Variants in TNPO1 observed in about 807,000 individuals in gnomAD.
The protein encoded by TNPO1 is transportin-1.
A neutral mutation model predicts 119.5 loss-of-function variants in TNPO1; 8 were observed. The observed-to-expected ratio is 0.07, with a 90% CI of 0.04 to 0.12. The LOEUF (loss-of-function observed/expected upper bound fraction) is 0.12, where lower values mean the gene tolerates loss of function less well. TNPO1 is among the 10% of genes least tolerant of loss of function. TNPO1 has a pLI of 1.00. For synonymous variants in TNPO1, 362 were observed against 363.0 expected, an observed-to-expected ratio of 1.00 and a Z score of 0.03; for missense variants, 576 against 1,089.8, an observed-to-expected ratio of 0.53 and a Z score of 6.64.
At chr5:72,854,180 A>T (rs1373344438) in intron 3 of TNPO1, among the ~76,000 whole-genome samples, 11 of 152,186 alleles carry the variant, frequency 7.2e-5, no homozygotes, top group Admixed American at 2.0e-4. Flanking sequence ...CATTTATTTC[A>T]TGGCAGTTTT....
chr5:72,838,312 G>A (rs959246484), intron 1 of TNPO1, among the ~76,000 whole-genome samples: 4 of 152,052 alleles, frequency 2.6e-5, no homozygotes, highest in Non-Finnish European at 5.9e-5. Flanking sequence ...CAATCGAACG[G>A]CAATAAAACA....
intron 20 of TNPO1, among the ~76,000 whole-genome samples, chr5:72,899,776 C>T (rs1003115588): frequency 6.6e-6 from 1 of 151,726 alleles, no homozygotes; most frequent in African/African-American, 2.4e-5. Context: ...TTTTTAATTC[C>T]TTTTGTTTTT....
Position 72,900,962 on chromosome 5 carries a change from G to C in TNPO1, c.2415-12G>C. 6.3e-7 allele frequency: 1 copy of C among 1,589,360 alleles called. No homozygotes were observed. The highest frequency in any genetic ancestry group is 8.6e-7 in the Non-Finnish European group (1 of 1,165,298). On this transcript the variant is annotated splice_polypyrimidine_tract_variant and intron_variant, in intron 21 of 24. Coordinates refer to ENST00000337273, the MANE Select transcript of TNPO1 (RefSeq NM_002270.4). Reference sequence around the variant, plus strand: ...TTACTTAAATGCTAAACTCAATTCTGTAATTCAATAGGTGCACCTCTCTGA... The same window carrying C: ...TTACTTAAATGCTAAACTCAATTCTCTAATTCAATAGGTGCACCTCTCTGA...
chr5:72,847,045 GT>G (rs565341012), intron 1 of TNPO1, among the ~76,000 whole-genome samples: 1 of 151,262 alleles, frequency 6.6e-6, no homozygotes, highest in Non-Finnish European at 1.5e-5. Flanking sequence ...TTTGTTTTGA[GT>G]TTTTTTTTGT....
At chr5:72,873,396 T>A (rs771234886) in intron 7 of TNPO1, among the ~76,000 whole-genome samples, 9 of 152,156 alleles carry the variant, frequency 5.9e-5, no homozygotes, top group Admixed American at 1.3e-4. Context: ...CTGATACTAC[T>A]GTTGGGAAAT....
At chr5:72,884,277 T>G (rs1306836644) in intron 11 of TNPO1, among the ~76,000 whole-genome samples, 1 of 152,172 alleles carries the variant, frequency 6.6e-6, no homozygotes, top group Non-Finnish European at 1.5e-5. Context: ...GAAGTGGTAT[T>G]TTGTGGTTTT....
At chr5:72,848,232 C>A (rs1003024915) in intron 1 of TNPO1, 153 bp from the exon 2 acceptor site, 12 of 1,258,754 alleles carry the variant, frequency 9.5e-6, no homozygotes, top group Non-Finnish European at 1.2e-5. Flanking sequence ...CCGTGACTTC[C>A]TTCGGGGCAC....
rs928531247 is a variant in TNPO1 at position 72,913,240 on chromosome 5, C to T, written c.*4567C>T. 3 of 152,398 alleles carry T rather than the reference C, an allele frequency of 2.0e-5. No individual in the cohort carries two copies. The highest frequency in any genetic ancestry group is 2.9e-5 in the Non-Finnish European group (2 of 67,898). The allele number at this position is 152,398 out of a possible 1,614,324, so 9.4% of individuals were successfully genotyped here. ...AATGCCTCTCTAAAATTAAATTTTA[C>T]ATAAAAGTTAGTTTTATTCACCTTT... On this transcript the variant is annotated 3_prime_UTR_variant, in exon 25 of 25. Transcript: ENST00000337273.
rs1000477284 is a variant in TNPO1 at position 72,910,127 on chromosome 5, G to A, written c.*1454G>A. On this transcript the variant is annotated 3_prime_UTR_variant, in exon 25 of 25. Coordinates refer to ENST00000337273, the MANE Select transcript of TNPO1 (RefSeq NM_002270.4). ...TCTTAAAGATATGTTTAAGTTAATG[G>A]ATGTAATGCAGGGTTCCTACACTGT... 1.3e-5 allele frequency: 2 copies of A among 152,476 alleles called. No individual in the cohort carries two copies. The highest frequency in any genetic ancestry group is 4.8e-5 in the African/African-American group (2 of 41,412). 9.4% of individuals were successfully genotyped at this position (152,476 alleles called of 1,614,324 possible). A position where few individuals can be genotyped will look rare whatever the true frequency, so the allele number is the denominator to read the frequency against.
intron 5 of TNPO1, among the ~76,000 whole-genome samples, chr5:72,863,913 A>AT (rs1410082807): frequency 1.3e-5 from 2 of 152,186 alleles, no homozygotes; most frequent in African/African-American, 4.8e-5. Flanking sequence ...AGAATAAAAA[A>AT]TTTAAGCTGC....
chr5:72,887,999 A>C (rs1265115866), intron 12 of TNPO1, 79 bp from the exon 13 acceptor site: 1 of 1,312,756 alleles, frequency 7.6e-7, no homozygotes, highest in Non-Finnish European at 1.1e-6. Context: ...TTTTTCATAG[A>C]TACGTGTTTT....
intron 1 of TNPO1, among the ~76,000 whole-genome samples, chr5:72,834,085 T>C (rs530673101): frequency 1.3e-5 from 2 of 152,248 alleles, no homozygotes; most frequent in Admixed American, 1.3e-4. Flanking sequence ...CTGAAAAGCT[T>C]CTATTGCGTC....
At chr5:72,906,122 A>T (rs573945462) in intron 24 of TNPO1, among the ~76,000 whole-genome samples, 2 of 151,912 alleles carry the variant, frequency 1.3e-5, no homozygotes, top group East Asian at 3.9e-4. Context: ...AATTGATTTC[A>T]TTTTGGAGCA....
rs979411792 is a variant in TNPO1, at chr5:72,865,589, C to G, written c.463-7C>G. 1.9e-6 allele frequency: 3 copies of G among 1,611,234 alleles called. No individual in the cohort carries two copies. The highest frequency in any genetic ancestry group is 2.5e-6 in the Non-Finnish European group (3 of 1,179,592). Reference sequence around the variant, plus strand: ...AAATTCTGATAATTTAAATGTGTCTCTTACAGGGAGCATTTGGTGCCCTTC... The same window carrying G: ...AAATTCTGATAATTTAAATGTGTCTGTTACAGGGAGCATTTGGTGCCCTTC... On this transcript the variant is annotated splice_region_variant and splice_polypyrimidine_tract_variant and intron_variant, in intron 5 of 24. Transcript: ENST00000337273.
intron 11 of TNPO1, among the ~76,000 whole-genome samples, chr5:72,884,032 A>G (rs1381539485): frequency 6.6e-6 from 1 of 152,022 alleles, no homozygotes; most frequent in African/African-American, 2.4e-5. Context: ...TTACAGGCGT[A>G]AGCCACTGTG....
In TNPO1 at chr5:72,897,036, CT is replaced by C; in HGVS notation, c.2243-15del. ...TCAATTTTTTCTTTTTTGTTTTTTT[CT>C]TTTTGGGATGATCTCTAGGTATAGA... is the stretch of plus-strand genomic sequence containing the variant. On this transcript the variant is annotated intron_variant, in intron 19 of 24. Transcript: ENST00000337273. The C allele has an allele frequency of 1.3e-6, 2 of 1,506,590 alleles. No homozygotes were observed. Among genetic ancestry groups the C allele is most frequent in the Non-Finnish European group, 8.9e-7 (1 of 1,127,796 alleles). 93.3% of individuals were successfully genotyped at this position (1,506,590 alleles called of 1,614,324 possible).
chr5:72,850,978 T>G (rs368505182), intron 2 of TNPO1, among the ~76,000 whole-genome samples: 5 of 152,324 alleles, frequency 3.3e-5, no homozygotes, highest in Admixed American at 6.5e-5. Flanking sequence ...TTTGCTATAT[T>G]GAGCATGCTG....
intron 4 of TNPO1, among the ~76,000 whole-genome samples, chr5:72,860,295 G>C (rs1042649976): frequency 1.3e-5 from 2 of 151,300 alleles, no homozygotes; most frequent in Admixed American, 1.3e-4. Flanking sequence ...TTTCATTTTT[G>C]TACACTCATA....
chr5:72,857,004 G>C (rs529003775), intron 4 of TNPO1, among the ~76,000 whole-genome samples: 1 of 152,144 alleles, frequency 6.6e-6, no homozygotes, highest in African/African-American at 2.4e-5. Context: ...ATGAAAGTCC[G>C]TTAAATGAGT....
Sources: gnomAD v4.1 joint callset for allele counts (sites outside exome capture counted in the v4.1 genomes callset) on GRCh38, gnomAD v4.1.1 for gene constraint, MANE v1.5 for transcripts, NCBI Gene and HGNC (gene_info 2026-07-23, HGNC 2026-07-21) for gene names.